Variants in CHAF1B observed in about 807,000 individuals in gnomAD.
CHAF1B encodes the protein CAF-1 subunit B.
In CHAF1B, 10 loss-of-function variants were observed where a neutral mutation model predicts 60.7. The ratio of observed to expected loss-of-function variants is 0.16; its 90% CI spans 0.10 to 0.28. The LOEUF (loss-of-function observed/expected upper bound fraction) is 0.28, where lower values mean the gene tolerates loss of function less well. CHAF1B is among the 10% of genes least tolerant of loss of function. The probability of loss-of-function intolerance (pLI) is 1.00; values close to 1 mark genes in which losing one functional copy is unlikely to be tolerated. For synonymous variants in CHAF1B, 261 were observed against 266.1 expected, an observed-to-expected ratio of 0.98 and a Z score of 0.19; for missense variants, 558 against 708.4, an observed-to-expected ratio of 0.79 and a Z score of 2.41.
intron 3 of CHAF1B, among the ~76,000 whole-genome samples, chr21:36,389,716 C>A (rs981075440): frequency 6.7e-6 from 1 of 148,730 alleles, no homozygotes; most frequent in Non-Finnish European, 1.5e-5. Flanking sequence ...GGAAAAGAGA[C>A]CTGGTTGAGT....
chr21:36,406,399 C>T (rs1338524952), intron 8 of CHAF1B, among the ~76,000 whole-genome samples: 1 of 152,186 alleles, frequency 6.6e-6, no homozygotes, highest in Non-Finnish European at 1.5e-5. Flanking sequence ...GATTCTTCTG[C>T]CTCAGCCTCC....
In CHAF1B at chr21:36,387,224, G is replaced by GTTT. The variant is rs61437805; in HGVS notation, c.127-360_127-358dup. Among the ~76,000 whole-genome samples, 268 of 131,492 alleles carry GTTT rather than the reference G, an allele frequency of 2.0e-3. 2 individuals carry two copies. Among genetic ancestry groups the GTTT allele is most frequent in the African/African-American group, 5.2e-3 (184 of 35,692 alleles). 86.3% of individuals were successfully genotyped at this position (131,492 alleles called of 152,430 possible). A position where few individuals can be genotyped will look rare whatever the true frequency, so the allele number is the denominator to read the frequency against. On this transcript the variant is annotated intron_variant, in intron 2 of 13. Coordinates refer to ENST00000314103, the MANE Select transcript of CHAF1B (RefSeq NM_005441.3). ...TCTTTCTGAAAATAAGCATAGTTTT[G>GTTT]TTTTTTTTTTTTTTTTGAGACAGGG...
chr21:36,392,174 T>G (rs1033291517), intron 4 of CHAF1B, among the ~76,000 whole-genome samples: 2 of 152,034 alleles, frequency 1.3e-5, no homozygotes, highest in Admixed American at 1.3e-4. Context: ...AAGCACATCT[T>G]GTACCGTCCT....
chr21:36,390,287 T>C (rs139656847), intron 3 of CHAF1B, among the ~76,000 whole-genome samples: 13,752 of 145,274 alleles, frequency 0.095, 1,141 homozygotes, highest in African/African-American at 0.24. Flanking sequence ...GAGCCAAGAT[T>C]GCACCATTGC....
Position 36,418,998 on chromosome 21 carries a change from A to G in CHAF1B, c.*2632A>G, listed in dbSNP as rs1022583274. On this transcript the variant is annotated 3_prime_UTR_variant, in exon 14 of 14. Coordinates refer to ENST00000314103, the MANE Select transcript of CHAF1B (RefSeq NM_005441.3). Reference sequence around the variant, plus strand: ...TAAATATAAATCAAAATTGGCAATAAAAGACCAAGTGAAGTCACTTCAGTG... The same window carrying G: ...TAAATATAAATCAAAATTGGCAATAGAAGACCAAGTGAAGTCACTTCAGTG... The G allele has an allele frequency of 2.6e-5, 4 of 152,218 alleles. No homozygotes were observed. The highest frequency in any genetic ancestry group is 7.2e-5 in the African/African-American group (3 of 41,452). 9.4% of individuals were successfully genotyped at this position (152,218 alleles called of 1,614,324 possible). A position where few individuals can be genotyped will look rare whatever the true frequency, so the allele number is the denominator to read the frequency against.
At chr21:36,411,657 T>C in intron 11 of CHAF1B, 53 bp downstream of exon 11, 1 of 1,598,978 alleles carries the variant, frequency 6.3e-7, no homozygotes, top group South Asian at 1.1e-5. Flanking sequence ...GGCTGTATCC[T>C]GGAAGACACC....
rs1555911823 is a variant in CHAF1B, at chr21:36,389,800, T to TGCGCGCGCGCGCGCGCGC, written c.260-1743_260-1742insGCGCGCGCGCGCGCGCGC. ...GTGTGTGTGTGTGTGTGTGTGTGTG[T>TGCGCGCGCGCGCGCGCGC]GCGCGCGCACGCTGATTTGTAGAGG... On this transcript the variant is annotated intron_variant, in intron 3 of 13. Transcript: ENST00000314103. Among the ~76,000 whole-genome samples, 171 of 124,762 alleles carry TGCGCGCGCGCGCGCGCGC rather than the reference T, an allele frequency of 1.4e-3. 1 individual carries two copies. The highest frequency in any genetic ancestry group is 5.7e-3 in the African/African-American group (162 of 28,408). The allele number at this position is 124,762 out of a possible 152,430, so 81.8% of individuals were successfully genotyped here.
rs2146361644 is a variant in CHAF1B at position 36,391,613 on chromosome 21, G to T, written c.322G>T (p.Asp108Tyr). ...NKEPEQIAFQDEDEAQLNKEN... is the reference protein window; with the variant it reads ...NKEPEQIAFQYEDEAQLNKEN... ...GGAGCCGGAGCAGATCGCTTTTCAG[G>T]ATGAGGACGAGGCCCAGCTGAACAA... The change falls in exon 4 of 14, where the codon GAT (aspartate) becomes TAT (tyrosine). Residue 108 changes from aspartate to tyrosine, a missense_variant. Asp to Tyr is a radical substitution (Grantham distance 160). Transcript: ENST00000314103. 2 of 1,613,858 alleles carry T rather than the reference G, an allele frequency of 1.2e-6. No homozygotes were observed. The highest frequency in any genetic ancestry group is 1.7e-6 in the Non-Finnish European group (2 of 1,179,854).
At chr21:36,411,422 T>C in intron 10 of CHAF1B, 41 bp from the exon 11 acceptor site, 1 of 1,606,684 alleles carries the variant, frequency 6.2e-7, no homozygotes, top group Non-Finnish European at 8.5e-7. Flanking sequence ...TCAGAAGCCT[T>C]GTTTCTGTGG....
At position 36,413,347 on chromosome 21, in the gene CHAF1B, A is replaced by G; in HGVS notation, c.1493+32A>G. 4 of 1,517,960 alleles carry G rather than the reference A, an allele frequency of 2.6e-6. No individual in the cohort carries two copies. In the South Asian group the frequency reaches 5.1e-5, roughly 19 times the overall value. The allele number at this position is 1,517,960 out of a possible 1,614,324, so 94.0% of individuals were successfully genotyped here. A position where few individuals can be genotyped will look rare whatever the true frequency, so the allele number is the denominator to read the frequency against. On this transcript the variant is annotated intron_variant, in intron 12 of 13. Coordinates refer to ENST00000314103, the MANE Select transcript of CHAF1B (RefSeq NM_005441.3). ...ACTTGTTGGAACAAGATGTCATTGC[A>G]AAATGAAACACAAAATGCAGACAGA...
intron 9 of CHAF1B, 60 bp downstream of exon 9, chr21:36,408,890 T>C: frequency 7.9e-6 from 10 of 1,260,920 alleles, no homozygotes; most frequent in Non-Finnish European, 1.2e-5. Flanking sequence ...GTTTCGCTCT[T>C]GTTGCCCAGG....
Position 36,387,791 on chromosome 21 carries a change from G to T in CHAF1B, c.259+61G>T, listed in dbSNP as rs1291499566. ...CCAGATAGATACCTGTGTGTCTTGT[G>T]TCAGATAGTGAGATTTGAGCTGGAT... On this transcript the variant is annotated intron_variant, in intron 3 of 13. Transcript: ENST00000314103. 2.6e-6 allele frequency: 4 copies of T among 1,516,890 alleles called. No homozygotes were observed. The Middle Eastern group carries it at 5.2e-4, about 197-fold the overall frequency. The allele number at this position is 1,516,890 out of a possible 1,614,324, so 94.0% of individuals were successfully genotyped here.
At chr21:36,408,358 A>G (rs904125896) in intron 8 of CHAF1B, among the ~76,000 whole-genome samples, 4 of 152,164 alleles carry the variant, frequency 2.6e-5, no homozygotes, top group Non-Finnish European at 5.9e-5. Context: ...TTTGGATGGC[A>G]TCCAAGGCTG....
chr21:36,403,171 C>G (rs999285992), intron 8 of CHAF1B, among the ~76,000 whole-genome samples: 9 of 151,886 alleles, frequency 5.9e-5, no homozygotes, highest in Non-Finnish European at 1.3e-4. Context: ...ATAAATTTAA[C>G]TTTTGGCTGG....
In CHAF1B at chr21:36,386,243, G is replaced by A; in HGVS notation, c.107G>A (p.Gly36Asp). ...AGRIHRLASA[G>D]VDTNVRIWKV... is the part of the protein sequence containing the mutation. ...AGGATCCACAGACTGGCGTCTGCCG[G>A]CGTGGACACCAATGTCAGGGTAAAC... The change falls in exon 2 of 14, where the codon GGC becomes GAC. Residue 36 changes from glycine to aspartate, a missense_variant. Around this residue, in one of 2 missense-constraint regions of CHAF1B, gnomAD observed 325 missense variants for 493.5 expected, o/e 0.66. Coordinates refer to ENST00000314103, the MANE Select transcript of CHAF1B (RefSeq NM_005441.3). 1 of 1,614,174 alleles carries A rather than the reference G, an allele frequency of 6.2e-7. No homozygotes were observed. The highest frequency in any genetic ancestry group is 8.5e-7 in the Non-Finnish European group (1 of 1,180,002).
At chr21:36,393,105 G>A (rs1165300550) in intron 4 of CHAF1B, among the ~76,000 whole-genome samples, 4 of 152,330 alleles carry the variant, frequency 2.6e-5, no homozygotes, top group Non-Finnish European at 2.9e-5. Flanking sequence ...CCAGGCACTC[G>A]GCAGGCTGAG....
chr21:36,408,950 G>A, intron 9 of CHAF1B, 120 bp downstream of exon 9: 1 of 648,464 alleles, frequency 1.5e-6, no homozygotes, highest in Non-Finnish European at 2.7e-6. Flanking sequence ...TGCCTCCCGG[G>A]TTCAAGTGAT....
In CHAF1B at chr21:36,416,563, G is replaced by T. The variant is rs1004575162; in HGVS notation, c.*197G>T. 2.1e-6 allele frequency: 1 copy of T among 465,730 alleles called. No individual in the cohort carries two copies. Among genetic ancestry groups the T allele is most frequent in the Non-Finnish European group, 3.8e-6 (1 of 259,850 alleles). The allele number at this position is 465,730 out of a possible 1,614,324, so 28.8% of individuals were successfully genotyped here. ...TGTATTCAGTATCCATTTTTAACTT[G>T]GGACATGAACGTTTTAACGTAGTAA... On this transcript the variant is annotated 3_prime_UTR_variant, in exon 14 of 14. Coordinates refer to ENST00000314103, the MANE Select transcript of CHAF1B (RefSeq NM_005441.3).
intron 8 of CHAF1B, among the ~76,000 whole-genome samples, chr21:36,406,551 G>T (rs2086239669): frequency 6.6e-6 from 1 of 152,094 alleles, no homozygotes; most frequent in South Asian, 2.1e-4. Context: ...CTCCCAAAGT[G>T]CTGGGATTAC....
Sources: allele counts gnomAD v4.1 joint callset (sites outside exome capture counted in the v4.1 genomes callset), GRCh38; gene constraint gnomAD v4.1.1; regional missense constraint gnomAD v4.1.1; transcripts MANE v1.5; gene names NCBI Gene and HGNC (gene_info 2026-07-23, HGNC 2026-07-21).